Variants in EYA2 observed in about 807,000 individuals in gnomAD.
EYA2 encodes the protein protein phosphatase EYA2.
In EYA2, 31 loss-of-function variants were observed where a neutral mutation model predicts 69.2. That is an observed-to-expected ratio of 0.45 (90% CI 0.34 to 0.60). The LOEUF (loss-of-function observed/expected upper bound fraction) is 0.60. Among genes scored for constraint, EYA2 ranks in the 20% least tolerant of loss-of-function variants. EYA2 has a pLI of 0.02. For missense variants in EYA2, 622 were observed against 701.2 expected, an observed-to-expected ratio of 0.89 and a Z score of 1.28; for synonymous variants, 257 against 279.4, an observed-to-expected ratio of 0.92 and a Z score of 0.80.
intron 1 of EYA2, among the ~76,000 whole-genome samples, chr20:46,964,177 T>C (rs1341620631): frequency 1.3e-5 from 2 of 152,232 alleles, no homozygotes; most frequent in East Asian, 3.8e-4. Flanking sequence ...TTACTGTGAG[T>C]CTTGGTTGAA....
chr20:47,032,457 C>G (rs1015498278), intron 5 of EYA2, among the ~76,000 whole-genome samples: 9 of 152,162 alleles, frequency 5.9e-5, no homozygotes, highest in African/African-American at 2.2e-4. Context: ...AGAACATTCT[C>G]TATGTATGCA....
intron 5 of EYA2, among the ~76,000 whole-genome samples, chr20:47,042,021 T>C (rs1985098264): frequency 6.6e-6 from 1 of 152,082 alleles, no homozygotes; most frequent in Non-Finnish European, 1.5e-5. Flanking sequence ...TAAGAATATA[T>C]TCACTAAAAG....
chr20:46,994,032 T>A (rs1313678632), intron 2 of EYA2, among the ~76,000 whole-genome samples: 1 of 152,334 alleles, frequency 6.6e-6, no homozygotes, highest in East Asian at 1.9e-4. Flanking sequence ...TCATGGTAGA[T>A]CCTTAAAAAA....
intron 1 of EYA2, chr20:46,901,804 A>G (rs1984129095): frequency 6.6e-6 from 1 of 152,174 alleles, no homozygotes; most frequent in Admixed American, 6.5e-5. Context: ...GTGGTATAAC[A>G]AGTTGTGACT....
At chr20:47,075,969 C>T (rs1568762262) in intron 7 of EYA2, among the ~76,000 whole-genome samples, 1 of 152,176 alleles carries the variant, frequency 6.6e-6, no homozygotes, top group Non-Finnish European at 1.5e-5. Flanking sequence ...GTTTTCTGTT[C>T]CTGTGTTAAT....
At chr20:46,986,261 C>T (rs1430173508) in intron 1 of EYA2, among the ~76,000 whole-genome samples, 1 of 147,308 alleles carries the variant, frequency 6.8e-6, no homozygotes, top group African/African-American at 2.5e-5. Flanking sequence ...TATATAAACA[C>T]TGGAGATATA....
intron 5 of EYA2, among the ~76,000 whole-genome samples, chr20:47,063,378 T>A (rs2030972539): frequency 7.5e-6 from 1 of 132,750 alleles, no homozygotes; most frequent in Non-Finnish European, 1.5e-5. Context: ...TTTATTTGTG[T>A]GTGTGTGCGT....
At chr20:46,953,814 T>C (rs766709725) in intron 1 of EYA2, among the ~76,000 whole-genome samples, 32 of 152,208 alleles carry the variant, frequency 2.1e-4, no homozygotes, top group Non-Finnish European at 3.8e-4. Flanking sequence ...CCAACTTTCC[T>C]TGAATAGGCA....
chr20:46,975,119 A>T (rs990148214), intron 1 of EYA2, among the ~76,000 whole-genome samples: 1 of 152,108 alleles, frequency 6.6e-6, no homozygotes, highest in African/African-American at 2.4e-5. Flanking sequence ...GGGTGTGCCT[A>T]TGAAGGAGCA....
chr20:47,170,950 A>G (rs1367186100), intron 11 of EYA2, among the ~76,000 whole-genome samples: 2 of 152,222 alleles, frequency 1.3e-5, no homozygotes, highest in Non-Finnish European at 2.9e-5. Context: ...AGCCCGGCAC[A>G]ATCGGAAGTG....
intron 8 of EYA2, among the ~76,000 whole-genome samples, chr20:47,091,482 T>C (rs933131583): frequency 1.4e-4 from 21 of 149,826 alleles, no homozygotes; most frequent in African/African-American, 5.2e-4. Context: ...CTCACGCCTA[T>C]AACCTTACCA....
intron 10 of EYA2, among the ~76,000 whole-genome samples, chr20:47,151,111 C>T (rs1213027432): frequency 6.6e-6 from 1 of 151,992 alleles, no homozygotes; most frequent in Non-Finnish European, 1.5e-5. Context: ...TTGTTTGCGC[C>T]TGTAATCCCA....
chr20:47,036,040 A>G (rs1984690379), intron 5 of EYA2, among the ~76,000 whole-genome samples: 1 of 152,120 alleles, frequency 6.6e-6, no homozygotes, highest in Admixed American at 6.6e-5. Flanking sequence ...GCTCACGCTG[A>G]ATGAGGGCTT....
At chr20:46,915,887 A>G (rs929267781) in intron 1 of EYA2, among the ~76,000 whole-genome samples, 1 of 152,000 alleles carries the variant, frequency 6.6e-6, no homozygotes, top group African/African-American at 2.4e-5. Flanking sequence ...GTCACTTGTC[A>G]TCATGGCGCT....
chr20:47,077,556 G>A (rs2031560949), intron 7 of EYA2, among the ~76,000 whole-genome samples: 2 of 152,146 alleles, frequency 1.3e-5, no homozygotes, highest in African/African-American at 4.8e-5. Flanking sequence ...GAACAATAGG[G>A]AAGACCCACC....
intron 1 of EYA2, among the ~76,000 whole-genome samples, chr20:46,961,282 T>C (rs1462868825): frequency 2.0e-5 from 3 of 152,146 alleles, no homozygotes; most frequent in Non-Finnish European, 2.9e-5. Flanking sequence ...GCCAAGATCA[T>C]GCCACTGCAC....
At chr20:46,964,810 C>T (rs1160992523) in intron 1 of EYA2, among the ~76,000 whole-genome samples, 2 of 152,190 alleles carry the variant, frequency 1.3e-5, no homozygotes, top group Non-Finnish European at 2.9e-5. Context: ...GGCAGTGCGG[C>T]TCTAGAGTCT....
intron 5 of EYA2, among the ~76,000 whole-genome samples, chr20:47,022,783 A>T (rs1007288803): frequency 2.0e-5 from 3 of 150,554 alleles, no homozygotes; most frequent in African/African-American, 4.9e-5. Context: ...CCTTCCGAGT[A>T]GCTGGGACTA....
At chr20:46,908,015 G>A (rs1311098419) in intron 1 of EYA2, among the ~76,000 whole-genome samples, 1 of 152,192 alleles carries the variant, frequency 6.6e-6, no homozygotes, top group Non-Finnish European at 1.5e-5. Context: ...GTGGCAAGGT[G>A]CACAGACTTT....
Sources: allele counts gnomAD v4.1 joint callset (sites outside exome capture counted in the v4.1 genomes callset), GRCh38; gene constraint gnomAD v4.1.1; transcripts MANE v1.5; gene names NCBI Gene and HGNC (gene_info 2026-07-23, HGNC 2026-07-21).